PDE4D: variants seen among roughly 807,000 people sequenced by gnomAD.
PDE4D encodes phosphodiesterase 4D.
In PDE4D, 24 loss-of-function variants were observed where a neutral mutation model predicts 87.4. The observed-to-expected ratio is 0.27, with a 90% CI of 0.20 to 0.39. The LOEUF (loss-of-function observed/expected upper bound fraction) is 0.39. Ranked by LOEUF, PDE4D falls within the 10% of genes least tolerant of loss-of-function variation. The pLI is 1.00. For synonymous variants in PDE4D, 384 were observed against 383.2 expected, an observed-to-expected ratio of 1.00 and a Z score of -0.02; for missense variants, 714 against 1,041.0, an observed-to-expected ratio of 0.69 and a Z score of 4.32.
intron 5 of PDE4D, among the ~76,000 whole-genome samples, chr5:59,102,022 C>A (rs1374600046): frequency 3.3e-5 from 5 of 151,288 alleles, no homozygotes; most frequent in Admixed American, 1.3e-4. Context: ...GAGACTGCCC[C>A]AAACTGAGGC....
At chr5:60,289,715 A>G (rs1752721700) in intron 1 of PDE4D, among the ~76,000 whole-genome samples, 1 of 152,224 alleles carries the variant, frequency 6.6e-6, no homozygotes, top group African/African-American at 2.4e-5. Context: ...GGGACAAGAG[A>G]AAAAGTTTCA....
At chr5:59,579,151 C>G (rs1362307158) in intron 1 of PDE4D, among the ~76,000 whole-genome samples, 2 of 152,148 alleles carry the variant, frequency 1.3e-5, no homozygotes, top group Non-Finnish European at 2.9e-5. Context: ...TGGATCAAGT[C>G]AGTTAAGTTG....
intron 1 of PDE4D, among the ~76,000 whole-genome samples, chr5:59,559,191 C>T (rs181567610): frequency 8.5e-4 from 129 of 152,296 alleles, no homozygotes; most frequent in African/African-American, 2.9e-3. Flanking sequence ...GTCCATCCTT[C>T]ACCTTATGAG....
chr5:59,340,852 G>A (rs534901365), intron 1 of PDE4D, among the ~76,000 whole-genome samples: 1 of 152,232 alleles, frequency 6.6e-6, no homozygotes, highest in South Asian at 2.1e-4. Flanking sequence ...TGTTGCAGAT[G>A]ACAGGATCTC....
intron 1 of PDE4D, among the ~76,000 whole-genome samples, chr5:60,188,841 T>A (rs1302329505): frequency 6.6e-6 from 1 of 152,198 alleles, no homozygotes; most frequent in East Asian, 1.9e-4. Flanking sequence ...TGCCTCAAAA[T>A]CCACGTTTTT....
chr5:59,770,522 G>A (rs559309625), intron 1 of PDE4D, among the ~76,000 whole-genome samples: 2 of 152,236 alleles, frequency 1.3e-5, no homozygotes, highest in Admixed American at 6.5e-5. Flanking sequence ...TGCACTTTAC[G>A]AGTAAAAACT....
At chr5:59,090,258 T>C (rs1374155124) in intron 5 of PDE4D, among the ~76,000 whole-genome samples, 2 of 152,172 alleles carry the variant, frequency 1.3e-5, no homozygotes, top group African/African-American at 4.8e-5. Context: ...TTGCTAATAG[T>C]GATCAGTTGA....
At chr5:59,368,650 C>T (rs1163730054) in intron 1 of PDE4D, among the ~76,000 whole-genome samples, 2 of 152,168 alleles carry the variant, frequency 1.3e-5, no homozygotes, top group Non-Finnish European at 2.9e-5. Flanking sequence ...AAGTAAATTA[C>T]TGTGGAATAT....
At chr5:59,660,974 T>C (rs757930251) in intron 1 of PDE4D, among the ~76,000 whole-genome samples, 7 of 151,516 alleles carry the variant, frequency 4.6e-5, no homozygotes, top group Non-Finnish European at 7.4e-5. Flanking sequence ...GCCAGTCTAT[T>C]TTATGGCTAA....
chr5:59,629,299 T>C (rs1831276874), intron 1 of PDE4D, among the ~76,000 whole-genome samples: 2 of 151,990 alleles, frequency 1.3e-5, no homozygotes, highest in Non-Finnish European at 2.9e-5. Flanking sequence ...CTATTGGAAA[T>C]AGGGTTTTTG....
intron 2 of PDE4D, among the ~76,000 whole-genome samples, chr5:60,166,328 T>C (rs1000127925): frequency 6.6e-6 from 1 of 152,184 alleles, no homozygotes; most frequent in Non-Finnish European, 1.5e-5. Context: ...ATTGTAGTTA[T>C]CATGAGGCTT....
intron 1 of PDE4D, among the ~76,000 whole-genome samples, chr5:59,474,269 G>A (rs2153653251): frequency 6.6e-6 from 1 of 152,126 alleles, no homozygotes; most frequent in South Asian, 2.1e-4. Context: ...TATATTATAT[G>A]ACAAAGTTAA....
At chr5:60,249,818 A>G (rs1485437619) in intron 1 of PDE4D, among the ~76,000 whole-genome samples, 1 of 152,018 alleles carries the variant, frequency 6.6e-6, no homozygotes, top group Non-Finnish European at 1.5e-5. Context: ...TAAAGCAGAA[A>G]CCACACATAA....
At chr5:60,044,476 CTAGCAT>C (rs1416900353) in intron 2 of PDE4D, among the ~76,000 whole-genome samples, 3 of 152,076 alleles carry the variant, frequency 2.0e-5, no homozygotes, top group African/African-American at 7.2e-5. Flanking sequence ...AACTCGTCAT[CTAGCAT>C]TAGCTATATC....
chr5:59,068,875 C>G (rs1216715406), intron 5 of PDE4D, among the ~76,000 whole-genome samples: 6 of 152,150 alleles, frequency 3.9e-5, no homozygotes, highest in Non-Finnish European at 7.3e-5. Flanking sequence ...ATTAGGTAAA[C>G]AGCCAGGTAG....
At chr5:60,456,615 A>G (rs115773113) in intron 1 of PDE4D, among the ~76,000 whole-genome samples, 2 of 152,312 alleles carry the variant, frequency 1.3e-5, no homozygotes, top group Middle Eastern at 3.4e-3. Flanking sequence ...TGCCTCATGC[A>G]TACTGCTTAA....
chr5:59,693,174 A>G (rs1202249388), intron 1 of PDE4D, among the ~76,000 whole-genome samples: 1 of 151,992 alleles, frequency 6.6e-6, no homozygotes, highest in Non-Finnish European at 1.5e-5. Context: ...AACATAACTG[A>G]AGGAAAAAAA....
intron 2 of PDE4D, among the ~76,000 whole-genome samples, chr5:60,060,982 T>C (rs1334111684): frequency 6.6e-6 from 1 of 152,132 alleles, no homozygotes; most frequent in Non-Finnish European, 1.5e-5. Context: ...TCATACTGAA[T>C]GGCCAAAAGC....
At chr5:60,202,674 A>G (rs1007671905) in intron 1 of PDE4D, among the ~76,000 whole-genome samples, 1 of 152,102 alleles carries the variant, frequency 6.6e-6, no homozygotes, top group African/African-American at 2.4e-5. Flanking sequence ...TAAATTAAAA[A>G]TTTTAAATTA....
Sources: gnomAD v4.1 joint callset for allele counts (sites outside exome capture counted in the v4.1 genomes callset) on GRCh38, gnomAD v4.1.1 for gene constraint, MANE v1.5 for transcripts, NCBI Gene and HGNC (gene_info 2026-07-23, HGNC 2026-07-21) for gene names.